PLEKHG6: variants seen among roughly 807,000 people sequenced by gnomAD.
PLEKHG6 encodes pleckstrin homology domain-containing family G member 6.
A neutral mutation model predicts 97.5 loss-of-function variants in PLEKHG6; 91 were observed. The observed-to-expected ratio is 0.93, with a 90% confidence interval of 0.79 to 1.11. The LOEUF (loss-of-function observed/expected upper bound fraction) is 1.11, where lower values mean the gene tolerates loss of function less well. Ranked by LOEUF, PLEKHG6 falls within the 50% of genes most tolerant of loss-of-function variation. The pLI, the probability that PLEKHG6 is intolerant of heterozygous loss-of-function variation, is 0.00. For missense variants in PLEKHG6, 1,044 were observed against 1,031.0 expected (o/e 1.01, Z -0.17); for synonymous variants, 466 against 425.5 (o/e 1.10, Z -1.17).
chr12:6,312,914 C>T, intron 2 of PLEKHG6: 1 of 1,382,106 alleles, frequency 7.2e-7, no homozygotes, highest in South Asian at 1.6e-5. Flanking sequence ...GTTTCCCCTC[C>T]ACCTTGAGGA....
chr12:6,316,111 G>A lies in PLEKHG6; in HGVS notation c.607-144G>A. The A allele has an allele frequency of 2.2e-6, 2 of 929,102 alleles. No homozygotes were observed. Among genetic ancestry groups the A allele is most frequent in the Non-Finnish European group, 3.2e-6 (2 of 629,604 alleles). The allele number at this position is 929,102 out of a possible 1,614,324, so 57.6% of individuals were successfully genotyped here. ...CCCCATTTCTCAGACTGACATCCTTGAGATCTTCCAGGCCCAGTGCCCAGT... is the reference window on the plus strand; with the variant it reads ...CCCCATTTCTCAGACTGACATCCTTAAGATCTTCCAGGCCCAGTGCCCAGT... On this transcript the variant is annotated intron_variant, in intron 6 of 15. Transcript: ENST00000684764. This position sits in a 1 kb window ranked among gnomAD's most constrained non-coding sequence, Gnocchi z 4.1.
chr12:6,326,354 C>G (rs1412128498), intron 13 of PLEKHG6, 74 bp from the exon 14 acceptor site: 4 of 1,054,606 alleles, frequency 3.8e-6, no homozygotes, highest in Non-Finnish European at 5.9e-6. Flanking sequence ...ATGTAACGCA[C>G]TTAGCAGGGT....
At position 6,317,174 on chromosome 12, in the gene PLEKHG6, G is replaced by A. The variant is rs1419786318; in HGVS notation, c.757-129G>A. 1.1e-5 allele frequency: 7 copies of A among 632,734 alleles called. No homozygotes were observed. The East Asian group carries it at 1.4e-4, about 12-fold the overall frequency. The allele number at this position is 632,734 out of a possible 1,614,324, so 39.2% of individuals were successfully genotyped here. On this transcript the variant is annotated intron_variant, in intron 7 of 15. Transcript: ENST00000684764. ...TCCTGGGAGGATCCTGGGAGGGAGG[G>A]ACTGTCAGGAGCTGGGCTAAGGGCC...
intron 1 of PLEKHG6, 42 bp from the exon 2 acceptor site, chr12:6,312,117 T>C: frequency 1.1e-6 from 1 of 931,728 alleles, no homozygotes; most frequent in African/African-American, 1.7e-5. Context: ...TGCCATTCAC[T>C]GATTGGGGAT....
At chr12:6,311,634 G>T (rs1321030665) in intron 1 of PLEKHG6, among the ~76,000 whole-genome samples, 3 of 152,068 alleles carry the variant, frequency 2.0e-5, no homozygotes, top group Non-Finnish European at 4.4e-5. Flanking sequence ...TTTTTTGCAG[G>T]GGGGGCAGCA....
rs754189335 is a variant in PLEKHG6 at position 6,317,388 on chromosome 12, A to T, written c.842A>T (p.Asn281Ile). The change falls in exon 8 of 16, where the codon AAC (asparagine) becomes ATC (isoleucine). Residue 281 changes from asparagine to isoleucine, a missense_variant. Transcript: ENST00000684764. ...TACGCCCGAGAACAGCAAGAAACTAACCCTCTCTTCCATGCCTTCGTGCAG... is the reference window on the plus strand; with the variant it reads ...TACGCCCGAGAACAGCAAGAAACTATCCCTCTCTTCCATGCCTTCGTGCAG... ...MAYAREQQET[N>I]PLFHAFVQWC... 25 of 1,613,796 alleles carry T rather than the reference A, an allele frequency of 1.5e-5. No homozygotes were observed. In the South Asian group the frequency reaches 2.5e-4, roughly 16 times the overall value.
intron 8 of PLEKHG6, 57 bp downstream of exon 8, chr12:6,317,470 G>A: frequency 1.2e-6 from 2 of 1,612,002 alleles, no homozygotes; most frequent in African/African-American, 1.3e-5. Flanking sequence ...CCGGTCTCCA[G>A]CTGAGCCTGA....
At chr12:6,326,382 T>C in intron 13 of PLEKHG6, 46 bp from the exon 14 acceptor site, 2 of 1,495,134 alleles carry the variant, frequency 1.3e-6, no homozygotes, top group African/African-American at 1.4e-5. Flanking sequence ...AAACAGCAAG[T>C]GCTCAATAAA....
At chr12:6,314,435 A>T (rs569160597) in intron 3 of PLEKHG6, among the ~76,000 whole-genome samples, 1 of 152,260 alleles carries the variant, frequency 6.6e-6, no homozygotes, top group African/African-American at 2.4e-5. Flanking sequence ...TGAACCCGGT[A>T]GGTGGAGGTT....
chr12:6,319,545 A>G, intron 13 of PLEKHG6: 3 of 1,531,642 alleles, frequency 2.0e-6, no homozygotes, highest in Non-Finnish European at 2.6e-6. Flanking sequence ...ATTCAGTTTC[A>G]GACTGGACAA....
Position 6,318,882 on chromosome 12 carries a change from G to A in PLEKHG6, c.1408+5G>A, listed in dbSNP as rs1466901431. 20 of 1,614,082 alleles carry A rather than the reference G, an allele frequency of 1.2e-5. No homozygotes were observed. Among genetic ancestry groups the A allele is most frequent in the Middle Eastern group, 3.3e-4 (2 of 6,084 alleles). ...GCCAACCCCTGCGAGACCCCAGTAC[G>A]TCCTTCCTTCAGGGAGTCTTTTCTT... On this transcript the variant is annotated splice_donor_5th_base_variant and intron_variant, in intron 12 of 15. Coordinates refer to ENST00000684764, the MANE Select transcript of PLEKHG6 (RefSeq NM_001384598.1).
rs1300573290 is a variant in PLEKHG6 at position 6,315,163 on chromosome 12, G to A, written c.453G>A (p.Gly151=). ...IEKSWRELVP[G]HKEMSQELCH... The stretch of plus-strand genomic sequence containing the variant: ...AGTCCTGGAGGGAGCTGGTGCCTGG[G>A]CACAAGGTGAGCCTGAAACTCACAA... The change falls in exon 4 of 16, where the codon GGG becomes GGA. Residue 151 remains glycine (G), a synonymous_variant. Coordinates refer to ENST00000684764, the MANE Select transcript of PLEKHG6 (RefSeq NM_001384598.1). This position sits in a 1 kb window ranked among gnomAD's most constrained non-coding sequence, Gnocchi z 4.5. 2 of 1,610,338 alleles carry A rather than the reference G, an allele frequency of 1.2e-6. No individual in the cohort carries two copies. The highest frequency in any genetic ancestry group is 1.1e-5 in the South Asian group (1 of 90,978).
chr12:6,315,937 A>G lies in PLEKHG6; in HGVS notation c.606+18A>G. ...TGATGGAAGTGAGTGGGTGCTCAGG[A>G]GGGGACCCTGGCACAGCCCGACCTC... On this transcript the variant is annotated intron_variant, in intron 6 of 15. Coordinates refer to ENST00000684764, the MANE Select transcript of PLEKHG6 (RefSeq NM_001384598.1). The surrounding 1 kb of genome is among the most constrained non-coding windows in gnomAD (Gnocchi z 4.5). The G allele has an allele frequency of 1.3e-6, 2 of 1,571,250 alleles. 1 individual carries two copies. The highest frequency in any genetic ancestry group is 2.3e-5 in the South Asian group (2 of 85,638).
At position 6,315,883 on chromosome 12, in the gene PLEKHG6, C is replaced by T; in HGVS notation, c.570C>T (p.Gly190=). Residue 190 remains glycine, a synonymous_variant, in exon 6 of 16, where the codon GGC becomes GGT. Transcript: ENST00000684764. The surrounding 1 kb of genome is among the most constrained non-coding windows in gnomAD (Gnocchi z 4.5). ...CCTCCCTGCAGCTGCTAGCCGCCGG[C>T]CTGCTGAACCTGCAGCGAGTGGGAC... ...LKIMTDLLAA[G]LLNLQRVGLL... 1.3e-6 allele frequency: 2 copies of T among 1,574,908 alleles called. No homozygotes were observed. The highest frequency in any genetic ancestry group is 1.7e-6 in the Non-Finnish European group (2 of 1,159,836).
At position 6,327,835 on chromosome 12, in the gene PLEKHG6, T is replaced by C. The variant is rs1947922804; in HGVS notation, c.2252T>C (p.Ile751Thr). 1.3e-6 allele frequency: 2 copies of C among 1,510,180 alleles called. No individual in the cohort carries two copies. Among genetic ancestry groups the C allele is most frequent in the Middle Eastern group, 2.1e-4 (1 of 4,832 alleles). The allele number at this position is 1,510,180 out of a possible 1,614,324, so 93.5% of individuals were successfully genotyped here. ...EIREELASQR[I>T]EGAEEPRDSR... ...CGGGAGGAGCTGGCCAGCCAAAGGA[T>C]TGAGGGGGCCGAGGAGCCCCGGGAC... is the stretch of plus-strand genomic sequence containing the variant. Residue 751 changes from isoleucine (I) to threonine (T), a missense_variant, in exon 15 of 16, where the codon ATT becomes ACT. Physicochemically the swap from Ile to Thr is moderately conservative, Grantham distance 89 (BLOSUM62 -1). Transcript: ENST00000684764.
chr12:6,312,186 T>C lies in PLEKHG6; in HGVS notation c.-41T>C. On this transcript the variant is annotated 5_prime_UTR_variant, in exon 2 of 16. Transcript: ENST00000684764. ...CTAGGGGACCTCTTTCTCCTGGACA[T>C]TGAAGATATGGCCCTTTGGAGGTGA... 6.9e-7 allele frequency: 1 copy of C among 1,443,092 alleles called. No homozygotes were observed. Among genetic ancestry groups the C allele is most frequent in the South Asian group, 1.6e-5 (1 of 62,610 alleles). The allele number at this position is 1,443,092 out of a possible 1,614,324, so 89.4% of individuals were successfully genotyped here.
intron 2 of PLEKHG6, 173 bp downstream of exon 2, chr12:6,312,537 G>C: frequency 8.9e-7 from 1 of 1,122,716 alleles, no homozygotes; most frequent in Non-Finnish European, 1.2e-6. Context: ...CCAGGCTCCA[G>C]GGATATCACA....
rs142831587 is a variant in PLEKHG6 at position 6,317,664 on chromosome 12, G to A, written c.985G>A (p.Glu329Lys). 1.2e-5 allele frequency: 19 copies of A among 1,613,776 alleles called. No homozygotes were observed. Among genetic ancestry groups the A allele is most frequent in the Admixed American group, 3.3e-5 (2 of 60,006 alleles). Residue 329 changes from glutamate to lysine, a missense_variant, in exon 9 of 16, where the codon GAG (glutamate) becomes AAG (lysine). Physicochemically the swap from Glu to Lys is moderately conservative, Grantham distance 56. Coordinates refer to ENST00000684764, the MANE Select transcript of PLEKHG6 (RefSeq NM_001384598.1). ...CCATGCTGTGCTCAAGAGGAGCCCC[G>A]AGGCACGAGCCCAAGAGGCCCTGAA... is the stretch of plus-strand genomic sequence containing the variant. ...LLHAVLKRSP[E>K]ARAQEALNAM...
intron 10 of PLEKHG6, 121 bp downstream of exon 10, chr12:6,318,115 C>G: frequency 1.5e-6 from 2 of 1,378,870 alleles, no homozygotes; most frequent in Middle Eastern, 1.9e-4. Context: ...ATCATTCCTA[C>G]CTGGTGGTGA....
Sources: allele counts gnomAD v4.1 joint callset (sites outside exome capture counted in the v4.1 genomes callset), GRCh38; gene constraint gnomAD v4.1.1; non-coding constraint Gnocchi (gnomAD v3.1); transcripts MANE v1.5; gene names NCBI Gene and HGNC (gene_info 2026-07-23, HGNC 2026-07-21).